SOBP: variants seen among roughly 807,000 people sequenced by gnomAD.
SOBP encodes the protein sine oculis-binding protein homolog.
Under a neutral mutation model 53.6 loss-of-function variants are expected in SOBP, and 4 were observed. The ratio of observed to expected loss-of-function variants is 0.07; its 90% CI spans 0.04 to 0.17. SOBP has a LOEUF of 0.17. Ranked by LOEUF, SOBP falls within the 10% of genes least tolerant of loss-of-function variation. The pLI is 1.00. For synonymous variants in SOBP, 584 were observed against 522.6 expected, an observed-to-expected ratio of 1.12 and a Z score of -1.60; for missense variants, 1,088 against 1,204.7, an observed-to-expected ratio of 0.90 and a Z score of 1.43.
chr6:107,609,914 G>C (rs983966371), intron 5 of SOBP, among the ~76,000 whole-genome samples: 1 of 152,116 alleles, frequency 6.6e-6, no homozygotes, highest in Non-Finnish European at 1.5e-5. Flanking sequence ...ACCCATTCCT[G>C]ACTGAGGATT....
At chr6:107,602,022 A>G (rs776892288) in intron 5 of SOBP, among the ~76,000 whole-genome samples, 18 of 152,244 alleles carry the variant, frequency 1.2e-4, no homozygotes, top group Non-Finnish European at 2.2e-4. Flanking sequence ...CAGGAGGCTC[A>G]TGAATACACT....
intron 4 of SOBP, among the ~76,000 whole-genome samples, chr6:107,564,460 A>C (rs1406784201): frequency 6.6e-6 from 1 of 152,214 alleles, no homozygotes; most frequent in Non-Finnish European, 1.5e-5. Context: ...CACATGCTAC[A>C]AGAAGGTTAA....
In SOBP at chr6:107,634,137, T is replaced by C; in HGVS notation, c.1293T>C (p.Leu431=). 6.2e-7 allele frequency: 1 copy of C among 1,610,434 alleles called. No homozygotes were observed. Among genetic ancestry groups the C allele is most frequent in the South Asian group, 1.1e-5 (1 of 90,628 alleles). ...ACAGCCCCCTGTCCAACCCCATGCT[T>C]CCCGGCATCGGGCCCCCGCCCGGTG... ...NPNSPLSNPM[L]PGIGPPPGGP... is the part of the protein sequence containing the mutation. Residue 431 remains leucine, a synonymous_variant, in exon 6 of 7, where the codon CTT becomes CTC. Transcript: ENST00000317357. This position sits in a 1 kb window ranked among gnomAD's most constrained non-coding sequence, Gnocchi z 4.5.
At chr6:107,593,551 A>T (rs778976400) in intron 5 of SOBP, among the ~76,000 whole-genome samples, 32 of 152,196 alleles carry the variant, frequency 2.1e-4, no homozygotes, top group Non-Finnish European at 3.2e-4. Flanking sequence ...TTCTCCGCAG[A>T]TGTGCTAGCT....
At chr6:107,632,321 G>A (rs1379770127) in intron 5 of SOBP, among the ~76,000 whole-genome samples, 1 of 147,428 alleles carries the variant, frequency 6.8e-6, no homozygotes, top group African/African-American at 2.6e-5. Flanking sequence ...CTGAGAAAAT[G>A]GCCCCCCCCC....
At chr6:107,535,363 A>G (rs1735353297) in intron 4 of SOBP, among the ~76,000 whole-genome samples, 1 of 152,244 alleles carries the variant, frequency 6.6e-6, no homozygotes, top group African/African-American at 2.4e-5. Context: ...GATAGGAATT[A>G]GCATTTGAAA....
At chr6:107,631,272 ATTGATAATTTTT>A (rs1203827834) in intron 5 of SOBP, among the ~76,000 whole-genome samples, 1 of 152,182 alleles carries the variant, frequency 6.6e-6, no homozygotes, top group Non-Finnish European at 1.5e-5. Context: ...AGCTTAATTC[ATTGATAATTTTT>A]TTTAGTCAAT....
At chr6:107,568,417 G>A (rs1784977284) in intron 4 of SOBP, among the ~76,000 whole-genome samples, 1 of 152,176 alleles carries the variant, frequency 6.6e-6, no homozygotes, top group African/African-American at 2.4e-5. Context: ...CATGCCTCAG[G>A]CAACTCTAAG....
intron 5 of SOBP, among the ~76,000 whole-genome samples, chr6:107,619,472 A>G (rs1335400490): frequency 1.3e-5 from 2 of 152,100 alleles, no homozygotes; most frequent in African/African-American, 2.4e-5. Flanking sequence ...AATATGCAAC[A>G]TTTCCCAAGC....
chr6:107,587,703 T>C (rs1490066366), intron 5 of SOBP, among the ~76,000 whole-genome samples: 1 of 152,182 alleles, frequency 6.6e-6, no homozygotes, highest in Non-Finnish European at 1.5e-5. Context: ...GGTGCGGGGA[T>C]GTTTACAAGT....
chr6:107,541,700 G>A (rs1784151277), intron 4 of SOBP, among the ~76,000 whole-genome samples: 1 of 152,136 alleles, frequency 6.6e-6, no homozygotes, highest in African/African-American at 2.4e-5. Flanking sequence ...TGTTTTGATA[G>A]AATGATTTCA....
At chr6:107,630,793 G>A (rs201745650) in intron 5 of SOBP, among the ~76,000 whole-genome samples, 80 of 148,784 alleles carry the variant, frequency 5.4e-4, no homozygotes, top group Non-Finnish European at 8.9e-4. Context: ...TCACGTTACC[G>A]AAAACAAGAT....
At chr6:107,638,744 T>G (rs941774380) in intron 6 of SOBP, among the ~76,000 whole-genome samples, 1 of 152,140 alleles carries the variant, frequency 6.6e-6, no homozygotes, top group Non-Finnish European at 1.5e-5. Flanking sequence ...GGTGAATGAT[T>G]TCTCCGTGTG....
intron 3 of SOBP, among the ~76,000 whole-genome samples, chr6:107,523,359 AGAAGAGT>A (rs778719268): frequency 3.3e-5 from 5 of 152,242 alleles, no homozygotes; most frequent in Non-Finnish European, 7.3e-5. Flanking sequence ...TTTAAAGGTG[AGAAGAGT>A]GAAGAGTGAA....
intron 5 of SOBP, among the ~76,000 whole-genome samples, chr6:107,619,037 C>T (rs558416914): frequency 1.3e-5 from 2 of 152,204 alleles, no homozygotes; most frequent in East Asian, 3.9e-4. Context: ...GGACGAGTAA[C>T]GTTGATTTCT....
chr6:107,492,640 G>C (rs1304924133), intron 1 of SOBP, among the ~76,000 whole-genome samples: 1 of 152,162 alleles, frequency 6.6e-6, no homozygotes, highest in Non-Finnish European at 1.5e-5. Context: ...ATTGTGTGAA[G>C]GGGAAAAATT....
At chr6:107,607,799 A>T (rs1786442611) in intron 5 of SOBP, among the ~76,000 whole-genome samples, 3 of 152,224 alleles carry the variant, frequency 2.0e-5, no homozygotes, top group African/African-American at 7.2e-5. Flanking sequence ...TCAGCATTTC[A>T]TGGGGTTCCA....
chr6:107,649,923 T>C (rs1771732585), intron 6 of SOBP, among the ~76,000 whole-genome samples: 2 of 152,064 alleles, frequency 1.3e-5, no homozygotes, highest in Admixed American at 1.3e-4. Flanking sequence ...CAGCAAGAAA[T>C]AGCAATGACC....
At chr6:107,492,279 C>A (rs1397095295) in intron 1 of SOBP, among the ~76,000 whole-genome samples, 5 of 151,762 alleles carry the variant, frequency 3.3e-5, no homozygotes, top group African/African-American at 1.2e-4. Context: ...TCCTGTCCTG[C>A]ATTTCCAGTT....
Sources: allele counts gnomAD v4.1 joint callset (sites outside exome capture counted in the v4.1 genomes callset), GRCh38; gene constraint gnomAD v4.1.1; non-coding constraint Gnocchi (gnomAD v3.1); transcripts MANE v1.5; gene names NCBI Gene and HGNC (gene_info 2026-07-23, HGNC 2026-07-21).